ZDHHC21: variants seen among roughly 807,000 people sequenced by gnomAD.
ZDHHC21 encodes the protein palmitoyltransferase ZDHHC21.
Under a neutral mutation model 34.6 loss-of-function variants are expected in ZDHHC21, and 15 were observed. That is an observed-to-expected ratio of 0.43 (90% CI 0.29 to 0.67). The LOEUF is 0.67. Among genes scored for constraint, ZDHHC21 ranks in the 30% least tolerant of loss-of-function variants. ZDHHC21 has a pLI of 0.14. For synonymous variants in ZDHHC21, 142 were observed against 101.8 expected, an observed-to-expected ratio of 1.40 and a Z score of -2.38; for missense variants, 344 against 327.7, an observed-to-expected ratio of 1.05 and a Z score of -0.38.
intron 5 of ZDHHC21, among the ~76,000 whole-genome samples, chr9:14,663,026 T>C (rs1209319981): frequency 6.6e-6 from 1 of 152,178 alleles, no homozygotes. Context: ...ACTAGCAATT[T>C]CCTCTAATCT....
chr9:14,645,954 G>T (rs921473686), intron 7 of ZDHHC21, among the ~76,000 whole-genome samples: 1 of 152,104 alleles, frequency 6.6e-6, no homozygotes, highest in Non-Finnish European at 1.5e-5. Flanking sequence ...TACTCTACTG[G>T]TAGGAGTTTA....
intron 5 of ZDHHC21, among the ~76,000 whole-genome samples, chr9:14,667,366 C>A (rs982474996): frequency 2.0e-5 from 3 of 151,596 alleles, no homozygotes; most frequent in Non-Finnish European, 4.4e-5. Flanking sequence ...CAATAGTTTA[C>A]CAACCAAAAA....
chr9:14,627,693 G>A (rs984164301), intron 8 of ZDHHC21, among the ~76,000 whole-genome samples: 91 of 152,192 alleles, frequency 6.0e-4, no homozygotes, highest in Non-Finnish European at 5.9e-4. Context: ...GTACACAATA[G>A]CTCACTGTCA....
intron 8 of ZDHHC21, chr9:14,622,763 A>C: frequency 1.0e-6 from 1 of 984,460 alleles, no homozygotes; most frequent in Non-Finnish European, 1.2e-6. Flanking sequence ...AGTAAGAGCC[A>C]TTGCCTCTGG....
At chr9:14,588,993 C>T in the ZDHHC21 span, 1 of 151,286 alleles carries the variant, frequency 6.6e-6, no homozygotes, top group Non-Finnish European at 1.5e-5. Flanking sequence ...TAGTCCTCCT[C>T]ATCATCCTCT....
chr9:14,656,448 G>C (rs551155025), intron 7 of ZDHHC21, among the ~76,000 whole-genome samples: 6 of 151,634 alleles, frequency 4.0e-5, no homozygotes, highest in Non-Finnish European at 7.4e-5. Context: ...CATTCATTGA[G>C]ATAACATATA....
intron 2 of ZDHHC21, among the ~76,000 whole-genome samples, chr9:14,686,578 T>C (rs768212847): frequency 3.3e-5 from 5 of 152,218 alleles, no homozygotes; most frequent in Non-Finnish European, 1.5e-5. Flanking sequence ...CCATAGTTAT[T>C]AGATCGTCAA....
Position 14,674,359 on chromosome 9 carries a change from C to A in ZDHHC21, c.-19G>T. The A allele has an allele frequency of 6.3e-7, 1 of 1,576,156 alleles. No individual in the cohort carries two copies. Among genetic ancestry groups the A allele is most frequent in the Non-Finnish European group, 8.6e-7 (1 of 1,165,586 alleles). ...GACCCATTTTGCAATCTTATAACTG[C>A]CTGCTAACCCACAAGGAAGGATGAT... is the stretch of plus-strand genomic sequence containing the variant. On this transcript the variant is annotated 5_prime_UTR_variant, in exon 4 of 10. Transcript: ENST00000380916.
intron 7 of ZDHHC21, among the ~76,000 whole-genome samples, chr9:14,657,027 T>C (rs897766452): frequency 6.6e-6 from 1 of 152,014 alleles, no homozygotes; most frequent in African/African-American, 2.4e-5. Flanking sequence ...ATATAACCCA[T>C]AATCCATTTC....
At chr9:14,593,354 T>C in the ZDHHC21 span, among the ~76,000 whole-genome samples, 1 of 152,206 alleles carries the variant, frequency 6.6e-6, no homozygotes. Flanking sequence ...TTTAAGGGAC[T>C]ATTATGAACA....
At chr9:14,625,869 AT>A (rs1470868932) in intron 8 of ZDHHC21, among the ~76,000 whole-genome samples, 3 of 152,000 alleles carry the variant, frequency 2.0e-5, no homozygotes, top group Non-Finnish European at 4.4e-5. Context: ...TCATTCATTT[AT>A]CCATCTATCA....
the ZDHHC21 span, among the ~76,000 whole-genome samples, chr9:14,601,213 A>T: frequency 6.6e-6 from 1 of 152,228 alleles, no homozygotes; most frequent in African/African-American, 2.4e-5. Flanking sequence ...GTGAACAGGC[A>T]ACCTACAGAA....
chr9:14,679,936 T>C (rs1046012064), intron 3 of ZDHHC21, 97 bp downstream of exon 3: 1 of 152,492 alleles, frequency 6.6e-6, no homozygotes, highest in Non-Finnish European at 1.5e-5. Context: ...CTACATTTGC[T>C]AACTGACAAT....
intron 8 of ZDHHC21, among the ~76,000 whole-genome samples, chr9:14,629,629 AT>A (rs2133564206): frequency 6.6e-6 from 1 of 152,324 alleles, no homozygotes; most frequent in African/African-American, 2.4e-5. Flanking sequence ...TTATTTATTG[AT>A]AAAAAATGCT....
chr9:14,646,411 A>G (rs1051200385), intron 7 of ZDHHC21, among the ~76,000 whole-genome samples: 1 of 152,224 alleles, frequency 6.6e-6, no homozygotes, highest in African/African-American at 2.4e-5. Flanking sequence ...TTAATTTTAG[A>G]AAACCAAACT....
chr9:14,657,702 T>G (rs766852484), intron 7 of ZDHHC21, among the ~76,000 whole-genome samples: 1 of 152,192 alleles, frequency 6.6e-6, no homozygotes, highest in Non-Finnish European at 1.5e-5. Flanking sequence ...CCAAGGCCCA[T>G]AGTTTGCCAA....
Position 14,654,318 on chromosome 9 carries a change from T to C in ZDHHC21, c.504+4431A>G, listed in dbSNP as rs550621076. Among the ~76,000 whole-genome samples the C allele has an allele frequency of 2.0e-5, 3 of 152,132 alleles. No individual in the cohort carries two copies. The South Asian group carries it at 6.2e-4, about 32-fold the overall frequency. ...CCAAAAACTGCTATATTAAGACCAA[T>C]GTTCTGTTATTTAGCATTAGAAATT... On this transcript the variant is annotated intron_variant, in intron 7 of 9. Coordinates refer to ENST00000380916, the MANE Select transcript of ZDHHC21 (RefSeq NM_178566.6).
chr9:14,616,137 T>C lies in ZDHHC21; in HGVS notation c.*2829A>G, dbSNP rs1275375907. 2 of 151,764 alleles carry C rather than the reference T, an allele frequency of 1.3e-5. No individual in the cohort carries two copies. The highest frequency in any genetic ancestry group is 2.4e-5 in the African/African-American group (1 of 41,420). 9.4% of individuals were successfully genotyped at this position (151,764 alleles called of 1,614,324 possible). A position where few individuals can be genotyped will look rare whatever the true frequency, so the allele number is the denominator to read the frequency against. ...AAAACTGAGTAAAATAAACTAAATG[T>C]AGTTTTTTAGATATTCATTAAAACA... On this transcript the variant is annotated 3_prime_UTR_variant, in exon 10 of 10. Coordinates refer to ENST00000380916, the MANE Select transcript of ZDHHC21 (RefSeq NM_178566.6).
At chr9:14,652,287 C>A (rs1427779380) in intron 7 of ZDHHC21, among the ~76,000 whole-genome samples, 3 of 151,756 alleles carry the variant, frequency 2.0e-5, no homozygotes, top group South Asian at 4.2e-4. Context: ...GGTTCACAGG[C>A]CTTTTTTTAG....
Sources: gnomAD v4.1 joint callset for allele counts (sites outside exome capture counted in the v4.1 genomes callset) on GRCh38, gnomAD v4.1.1 for gene constraint, MANE v1.5 for transcripts, NCBI Gene and HGNC (gene_info 2026-07-23, HGNC 2026-07-21) for gene names.